The following KIF5C variants were observed in gnomAD, a reference collection of about 807,000 sequenced individuals.
KIF5C encodes the protein kinesin family member 5C.
In KIF5C, 18 loss-of-function variants were observed where a neutral mutation model predicts 125.2. The observed-to-expected ratio is 0.14, with a 90% CI of 0.10 to 0.21. The LOEUF is 0.21. Among genes scored for constraint, KIF5C ranks in the 10% least tolerant of loss-of-function variants. The pLI is 1.00. For synonymous variants in KIF5C, 405 were observed against 434.0 expected, an observed-to-expected ratio of 0.93 and a Z score of 0.83; for missense variants, 780 against 1,183.8, an observed-to-expected ratio of 0.66 and a Z score of 5.01.
intron 11 of KIF5C, among the ~76,000 whole-genome samples, chr2:148,971,980 G>C (rs1680925230): frequency 6.6e-6 from 1 of 151,990 alleles, no homozygotes; most frequent in African/African-American, 2.4e-5. Context: ...TGGCACCCAG[G>C]CTGGAGTGCA....
rs1681149686 is a variant in KIF5C at position 148,875,381 on chromosome 2, C to G, written c.-237C>G. ...GCGCTGGGCAGGGGCGGGGCAGGGC[C>G]AGGGCAGGCCGGTCTGCAGCCGGAG... is the stretch of plus-strand genomic sequence containing the variant. On this transcript the variant is annotated 5_prime_UTR_variant, in exon 1 of 26. Coordinates refer to ENST00000435030, the MANE Select transcript of KIF5C (RefSeq NM_004522.3). The G allele has an allele frequency of 6.3e-6, 3 of 475,388 alleles. No individual in the cohort carries two copies. The highest frequency in any genetic ancestry group is 7.4e-6 in the Non-Finnish European group (2 of 269,874). The allele number at this position is 475,388 out of a possible 1,614,324, so 29.4% of individuals were successfully genotyped here.
At chr2:148,931,069 T>C (rs1331211018) in intron 3 of KIF5C, among the ~76,000 whole-genome samples, 1 of 152,158 alleles carries the variant, frequency 6.6e-6, no homozygotes, top group Non-Finnish European at 1.5e-5. Flanking sequence ...AGAGATACGG[T>C]GTCTAGTGAG....
At chr2:148,935,699 T>C (rs1682276932) in intron 3 of KIF5C, among the ~76,000 whole-genome samples, 1 of 152,234 alleles carries the variant, frequency 6.6e-6, no homozygotes, top group Non-Finnish European at 1.5e-5. Context: ...TGCAATAATT[T>C]CTTCGTGAAA....
At chr2:148,959,806 G>C (rs1682882089) in intron 10 of KIF5C, among the ~76,000 whole-genome samples, 1 of 152,222 alleles carries the variant, frequency 6.6e-6, no homozygotes, top group Admixed American at 6.5e-5. Context: ...ATCAGAAGGA[G>C]AGAAGAGCGT....
intron 11 of KIF5C, among the ~76,000 whole-genome samples, chr2:148,962,447 G>A (rs1247802625): frequency 6.6e-6 from 1 of 151,880 alleles, no homozygotes; most frequent in African/African-American, 2.4e-5. Flanking sequence ...CCAAAGTGCT[G>A]GGATTATAAA....
chr2:149,000,724 T>G lies in KIF5C; in HGVS notation c.2315T>G (p.Leu772Trp). 1 of 1,613,882 alleles carries G rather than the reference T, an allele frequency of 6.2e-7. No homozygotes were observed. Among genetic ancestry groups the G allele is most frequent in the Non-Finnish European group, 8.5e-7 (1 of 1,179,856 alleles). The change falls in exon 21 of 26, where the codon TTG becomes TGG. Residue 772 changes from leucine (L) to tryptophan (W), a missense_variant and splice_region_variant. By Grantham distance (61) the Leu-to-Trp change is moderately conservative. Around this residue, in one of 2 missense-constraint regions of KIF5C, gnomAD observed 573 missense variants for 742.6 expected, o/e 0.77. Coordinates refer to ENST00000435030, the MANE Select transcript of KIF5C (RefSeq NM_004522.3). The part of the protein sequence containing the change: ...EREMKLEKLL[L>W]LNDKREQARE... The stretch of plus-strand genomic sequence containing the variant: ...TATGGTTCCTTTTTGTTTTTCAGAT[T>G]GCTCAACGATAAAAGGGAACAAGCC...
intron 1 of KIF5C, among the ~76,000 whole-genome samples, chr2:148,886,541 T>G (rs1295865832): frequency 6.6e-6 from 1 of 152,180 alleles, no homozygotes; most frequent in African/African-American, 2.4e-5. Context: ...GGTGCTTGGA[T>G]ACCTGGAGTA....
At chr2:148,966,601 C>T (rs1198909279) in intron 11 of KIF5C, among the ~76,000 whole-genome samples, 2 of 152,124 alleles carry the variant, frequency 1.3e-5, no homozygotes, top group African/African-American at 2.4e-5. Flanking sequence ...AGGTTGCTCT[C>T]GCCCTCCCCC....
chr2:149,009,015 A>T (rs1311390299), intron 23 of KIF5C, among the ~76,000 whole-genome samples: 5 of 141,414 alleles, frequency 3.5e-5, no homozygotes, highest in Non-Finnish European at 7.6e-5. Context: ...TTTGAGGCAG[A>T]GTCTTGCTCT....
chr2:148,932,733 G>A (rs1682206954), intron 3 of KIF5C, among the ~76,000 whole-genome samples: 1 of 152,158 alleles, frequency 6.6e-6, no homozygotes, highest in African/African-American at 2.4e-5. Flanking sequence ...CATCTGAATG[G>A]TACAGGCTTC....
intron 1 of KIF5C, among the ~76,000 whole-genome samples, chr2:148,895,720 G>T (rs988092264): frequency 2.6e-5 from 4 of 152,102 alleles, no homozygotes; most frequent in African/African-American, 9.7e-5. Context: ...CATTTTCTCA[G>T]AGTTCTGGAA....
intron 3 of KIF5C, among the ~76,000 whole-genome samples, chr2:148,931,668 A>C (rs1682189140): frequency 6.6e-6 from 1 of 152,194 alleles, no homozygotes; most frequent in East Asian, 1.9e-4. Flanking sequence ...GTCTCAAAAA[A>C]AATAGTAATA....
chr2:148,946,966 G>C lies in KIF5C; in HGVS notation c.657G>C (p.Glu219Asp). ...TAAATATTAAACAAGAGAATGTAGA[G>C]ACTGAAAAAAAACTCAGTGGGAAAC... ...FLINIKQENV[E>D]TEKKLSGKLY... Residue 219 changes from glutamate (E) to aspartate (D), a missense_variant, in exon 8 of 26, where the codon GAG (glutamate) becomes GAC (aspartate). Physicochemically the swap from Glu to Asp is conservative, Grantham distance 45. Transcript: ENST00000435030. 1 of 1,613,010 alleles carries C rather than the reference G, an allele frequency of 6.2e-7. No individual in the cohort carries two copies. Among genetic ancestry groups the C allele is most frequent in the Non-Finnish European group, 8.5e-7 (1 of 1,179,626 alleles).
At chr2:148,978,346 T>G (rs946670026) in intron 12 of KIF5C, among the ~76,000 whole-genome samples, 21 of 147,776 alleles carry the variant, frequency 1.4e-4, no homozygotes, top group African/African-American at 5.0e-4. Context: ...TTTTTTTTTT[T>G]TTTTTTTTTT....
At chr2:148,942,594 C>G in intron 6 of KIF5C, 79 bp from the exon 7 acceptor site, 1 of 1,541,856 alleles carries the variant, frequency 6.5e-7, no homozygotes, top group Non-Finnish European at 8.8e-7. Flanking sequence ...AGAAGATAAA[C>G]AGGAAAATGT....
At chr2:148,966,337 AGTGTGT>A (rs747467791) in intron 11 of KIF5C, among the ~76,000 whole-genome samples, 69 of 150,160 alleles carry the variant, frequency 4.6e-4, no homozygotes, top group Admixed American at 3.1e-3. Context: ...TGTGTAGCAA[AGTGTGT>A]GTGTGTGTGT....
Position 148,898,351 on chromosome 2 carries a change from G to A in KIF5C, c.126+22608G>A, listed in dbSNP as rs567882040. Among the ~76,000 whole-genome samples the A allele has an allele frequency of 2.6e-5, 4 of 152,322 alleles. No homozygotes were observed. In the South Asian group the frequency reaches 6.2e-4, roughly 24 times the overall value. On this transcript the variant is annotated intron_variant, in intron 1 of 25. Transcript: ENST00000435030. ...GAGCCCTGAACTGAGTATCTCATGA[G>A]ACAATTCTCATTTCCTCTGTAGTAG...
intron 4 of KIF5C, among the ~76,000 whole-genome samples, chr2:148,939,073 C>T (rs543855661): frequency 1.1e-4 from 16 of 140,212 alleles, no homozygotes; most frequent in African/African-American, 3.3e-4. Context: ...CTAGCCTGGG[C>T]GACAGAGAGA....
chr2:148,954,029 T>G (rs1441448199), intron 10 of KIF5C, among the ~76,000 whole-genome samples: 2 of 97,106 alleles, frequency 2.1e-5, no homozygotes, highest in Non-Finnish European at 4.3e-5. Flanking sequence ...ATCCCTCCCC[T>G]AGCCCCCCAC....
Sources: gnomAD v4.1 joint callset for allele counts (sites outside exome capture counted in the v4.1 genomes callset) on GRCh38, gnomAD v4.1.1 for gene constraint, gnomAD v4.1.1 regional missense constraint, MANE v1.5 for transcripts, NCBI Gene and HGNC (gene_info 2026-07-23, HGNC 2026-07-21) for gene names.